WWOX: variants seen among roughly 807,000 people sequenced by gnomAD.
WWOX encodes WW domain-containing oxidoreductase.
WWOX carries 69 observed loss-of-function variants against 46.2 expected under a neutral mutation model. That is an observed-to-expected ratio of 1.49 (90% CI 1.23 to 1.82). The LOEUF is 1.82. Ranked by LOEUF, WWOX falls within the 40% of genes most tolerant of loss-of-function variation. The pLI is 0.00. For synonymous variants in WWOX, 359 were observed against 202.6 expected (o/e 1.77, Z -6.56); for missense variants, 919 against 542.6 (o/e 1.69, Z -6.89).
chr16:78,151,347 G>A (rs1344440732), intron 4 of WWOX, among the ~76,000 whole-genome samples: 2 of 152,166 alleles, frequency 1.3e-5, no homozygotes, highest in Non-Finnish European at 2.9e-5. Context: ...GCCCATTGGG[G>A]TCCTCCCCCT....
At chr16:79,011,774 T>G (rs1268418139) in intron 8 of WWOX, among the ~76,000 whole-genome samples, 1 of 152,088 alleles carries the variant, frequency 6.6e-6, no homozygotes, top group Non-Finnish European at 1.5e-5. Context: ...ATTACAGGCA[T>G]GAGCCACCAT....
intron 8 of WWOX, among the ~76,000 whole-genome samples, chr16:79,008,215 C>T (rs1341115108): frequency 1.3e-5 from 2 of 152,068 alleles, no homozygotes; most frequent in Admixed American, 6.5e-5. Flanking sequence ...GCTCTCAGGC[C>T]CTATCCACAG....
At position 79,212,226 on chromosome 16, in the gene WWOX, C is replaced by G. The variant is rs922258039; in HGVS notation, c.*430C>G. 4 of 1,377,126 alleles carry G rather than the reference C, an allele frequency of 2.9e-6. No individual in the cohort carries two copies. The highest frequency in any genetic ancestry group is 2.9e-5 in the African/African-American group (2 of 68,460). 85.3% of individuals were successfully genotyped at this position (1,377,126 alleles called of 1,614,324 possible). On this transcript the variant is annotated 3_prime_UTR_variant, in exon 9 of 9. Transcript: ENST00000566780. ...TTAGGGAAGAAAAAGCAAGTGTTCA[C>G]TGCTCCTTGCTGCATTGATCCAGGA...
intron 8 of WWOX, among the ~76,000 whole-genome samples, chr16:78,521,543 A>C (rs1464471158): frequency 6.6e-6 from 1 of 152,202 alleles, no homozygotes; most frequent in Non-Finnish European, 1.5e-5. Context: ...TCCTTCGTTA[A>C]ATAGAGTTCT....
chr16:79,142,446 A>G (rs1166903400), intron 8 of WWOX, among the ~76,000 whole-genome samples: 1 of 152,144 alleles, frequency 6.6e-6, no homozygotes, highest in African/African-American at 2.4e-5. Context: ...CACCACGGAA[A>G]TTGGCACATG....
chr16:79,186,020 T>A (rs2051007673), intron 8 of WWOX, among the ~76,000 whole-genome samples: 1 of 151,944 alleles, frequency 6.6e-6, no homozygotes, highest in African/African-American at 2.4e-5. Flanking sequence ...GAAGGTACAT[T>A]CAGAGAATTT....
intron 4 of WWOX, among the ~76,000 whole-genome samples, chr16:78,120,431 G>C (rs903502487): frequency 6.6e-6 from 1 of 152,038 alleles, no homozygotes; most frequent in African/African-American, 2.4e-5. Flanking sequence ...TTAGCCAGGC[G>C]CAGTGGCGGG....
intron 8 of WWOX, among the ~76,000 whole-genome samples, chr16:78,786,675 T>C (rs1292193087): frequency 6.6e-6 from 1 of 152,178 alleles, no homozygotes; most frequent in Non-Finnish European, 1.5e-5. Flanking sequence ...TTTGTCCCCG[T>C]AAAAGTAACT....
chr16:78,581,194 G>A (rs549022751), intron 8 of WWOX, among the ~76,000 whole-genome samples: 1 of 152,048 alleles, frequency 6.6e-6, no homozygotes, highest in African/African-American at 2.4e-5. Flanking sequence ...ATCTTATAAA[G>A]GAAAAAGTTA....
chr16:78,845,756 A>G (rs2052282318), intron 8 of WWOX, among the ~76,000 whole-genome samples: 1 of 152,210 alleles, frequency 6.6e-6, no homozygotes, highest in Non-Finnish European at 1.5e-5. Flanking sequence ...TGAGATATGT[A>G]CTAATCCTGT....
chr16:79,164,242 C>G (rs1257435199), intron 8 of WWOX, among the ~76,000 whole-genome samples: 1 of 152,146 alleles, frequency 6.6e-6, no homozygotes, highest in African/African-American at 2.4e-5. Context: ...GTCTGGATGC[C>G]CCACCACTAC....
chr16:78,979,230 C>T (rs2046633399), intron 8 of WWOX, among the ~76,000 whole-genome samples: 1 of 152,162 alleles, frequency 6.6e-6, no homozygotes, highest in East Asian at 1.9e-4. Flanking sequence ...ATTTGGAAAA[C>T]ATACAGAAGT....
rs183959450 is a variant in WWOX at position 78,211,671 on chromosome 16, C to T, written c.516+47382C>T. 3.2e-4 allele frequency among the ~76,000 whole-genome samples: 48 copies of T among 152,246 alleles called. No homozygotes were observed. In the East Asian group the frequency reaches 7.9e-3, roughly 25 times the overall value. On this transcript the variant is annotated intron_variant, in intron 5 of 8. Coordinates refer to ENST00000566780, the MANE Select transcript of WWOX (RefSeq NM_016373.4). ...CAGTGTGCTAACTCTGTTACCAACA[C>T]CGTAGAGAAGTGGTTCCAGAAGGAA...
intron 8 of WWOX, among the ~76,000 whole-genome samples, chr16:78,903,700 C>T (rs56186839): frequency 0.26 from 40,278 of 152,030 alleles, 6,087 homozygotes; most frequent in Non-Finnish European, 0.35. Context: ...CACCTGGACA[C>T]TTCGCTCTAG....
chr16:79,052,713 G>A (rs564285416), intron 8 of WWOX, among the ~76,000 whole-genome samples: 37 of 152,268 alleles, frequency 2.4e-4, no homozygotes, highest in East Asian at 1.7e-3. Context: ...TCCTTTGTCC[G>A]GTGTTCTCTC....
Position 78,954,164 on chromosome 16 carries a change from T to A in WWOX, c.1057-257444T>A, listed in dbSNP as rs563137944. On this transcript the variant is annotated intron_variant, in intron 8 of 8. Transcript: ENST00000566780. ...AAATGTCTGTCAGAGTAGGCATGAT[T>A]GCATATTCTTTAGATGGATGGGTGG... 5.9e-5 allele frequency among the ~76,000 whole-genome samples: 9 copies of A among 152,336 alleles called. No homozygotes were observed. The South Asian group carries it at 1.9e-3, about 32-fold the overall frequency.
At chr16:78,461,090 A>G (rs780191813) in intron 8 of WWOX, among the ~76,000 whole-genome samples, 4 of 152,200 alleles carry the variant, frequency 2.6e-5, no homozygotes, top group Non-Finnish European at 5.9e-5. Context: ...TGGAAGCTTG[A>G]TGCCATAACA....
intron 5 of WWOX, chr16:78,167,699 C>T (rs937341456): frequency 1.3e-5 from 2 of 152,256 alleles, no homozygotes; most frequent in Non-Finnish European, 2.9e-5. Context: ...AAATTTTGCA[C>T]CAGAAGCTGT....
At chr16:78,118,345 A>T (rs1166885722) in intron 4 of WWOX, among the ~76,000 whole-genome samples, 1 of 152,140 alleles carries the variant, frequency 6.6e-6, no homozygotes, top group African/African-American at 2.4e-5. Flanking sequence ...GATTTGGAGG[A>T]AATGTCAGAA....
Sources: gnomAD v4.1 joint callset for allele counts (sites outside exome capture counted in the v4.1 genomes callset) on GRCh38, gnomAD v4.1.1 for gene constraint, MANE v1.5 for transcripts, NCBI Gene and HGNC (gene_info 2026-07-23, HGNC 2026-07-21) for gene names.